RAPGEF6: variants seen among roughly 807,000 people sequenced by gnomAD.
RAPGEF6 encodes the protein PDZ domain containing guanine nucleotide exchange factor (GEF) 2.
A neutral mutation model predicts 171.4 loss-of-function variants in RAPGEF6; 56 were observed. That is an observed-to-expected ratio of 0.33 (90% CI 0.26 to 0.41). RAPGEF6 has a LOEUF of 0.41. Among genes scored for constraint, RAPGEF6 ranks in the 10% least tolerant of loss-of-function variants. RAPGEF6 has a pLI of 1.00. For synonymous variants in RAPGEF6, 692 were observed against 650.1 expected (o/e 1.06, Z -0.98); for missense variants, 1,674 against 1,921.4 (o/e 0.87, Z 2.41).
At chr5:131,544,839 T>C (rs1203748665) in intron 6 of RAPGEF6, among the ~76,000 whole-genome samples, 1 of 152,072 alleles carries the variant, frequency 6.6e-6, no homozygotes, top group Non-Finnish European at 1.5e-5. Flanking sequence ...AGCGCCACCA[T>C]GTCTGGCTAA....
At chr5:131,627,737 T>C (rs749108290) in intron 1 of RAPGEF6, among the ~76,000 whole-genome samples, 7 of 152,158 alleles carry the variant, frequency 4.6e-5, no homozygotes, top group Admixed American at 2.0e-4. Flanking sequence ...TTTTTTTAAA[T>C]ACAAATTGAA....
chr5:131,432,516 GC>G (rs1252382481), intron 25 of RAPGEF6, among the ~76,000 whole-genome samples: 5 of 152,156 alleles, frequency 3.3e-5, no homozygotes, highest in African/African-American at 1.2e-4. Flanking sequence ...TACTCGGGAG[GC>G]TGAGGCAGGA....
chr5:131,596,828 A>T (rs1350727377), intron 3 of RAPGEF6, among the ~76,000 whole-genome samples: 1 of 152,244 alleles, frequency 6.6e-6, no homozygotes. Flanking sequence ...ACACTGTGCT[A>T]GGCAAGGATT....
intron 4 of RAPGEF6, among the ~76,000 whole-genome samples, chr5:131,581,337 A>G (rs1487098697): frequency 6.6e-6 from 1 of 152,084 alleles, no homozygotes; most frequent in Non-Finnish European, 1.5e-5. Context: ...CCACCTGGCT[A>G]CTCTCTAACT....
intron 24 of RAPGEF6, among the ~76,000 whole-genome samples, chr5:131,436,823 A>G (rs1305813997): frequency 6.6e-6 from 1 of 152,198 alleles, no homozygotes; most frequent in African/African-American, 2.4e-5. Context: ...CAATAGGTAT[A>G]TTTATAACGT....
chr5:131,579,349 G>C (rs1486354954), intron 4 of RAPGEF6, among the ~76,000 whole-genome samples: 1 of 152,220 alleles, frequency 6.6e-6, no homozygotes, highest in East Asian at 1.9e-4. Context: ...AGTGTGGAAG[G>C]GGACAGGAGC....
chr5:131,454,893 A>C (rs970618627), intron 20 of RAPGEF6, among the ~76,000 whole-genome samples: 8 of 152,256 alleles, frequency 5.3e-5, no homozygotes, highest in Admixed American at 4.6e-4. Context: ...CTGTAAGCTA[A>C]CTTCTCAACA....
rs114873513 is a variant in RAPGEF6, at chr5:131,552,205, C to T, written c.352-4015G>A. Reference sequence around the variant, plus strand: ...AAAGCTCATCCCAAACAGCTACACCCTCATTACAAGGGTAAGCAAGATACA... The same window carrying T: ...AAAGCTCATCCCAAACAGCTACACCTTCATTACAAGGGTAAGCAAGATACA... On this transcript the variant is annotated intron_variant, in intron 5 of 27. Transcript: ENST00000509018. Among the ~76,000 whole-genome samples the T allele has an allele frequency of 7.1e-3, 1,085 of 151,824 alleles. 7 individuals are homozygous for T. The highest frequency in any genetic ancestry group is 0.024 in the African/African-American group (1,004 of 41,380).
At chr5:131,525,346 A>C (rs1263605868) in intron 6 of RAPGEF6, among the ~76,000 whole-genome samples, 1 of 152,224 alleles carries the variant, frequency 6.6e-6, no homozygotes, top group East Asian at 1.9e-4. Flanking sequence ...ATAAGGTAGA[A>C]ATACATAACA....
intron 11 of RAPGEF6, among the ~76,000 whole-genome samples, chr5:131,500,088 G>A (rs533862042): frequency 4.6e-5 from 7 of 152,058 alleles, no homozygotes; most frequent in East Asian, 3.9e-4. Flanking sequence ...TAGTAGAGAC[G>A]GGGTTTCACC....
intron 4 of RAPGEF6, among the ~76,000 whole-genome samples, chr5:131,588,152 C>T (rs1416517521): frequency 6.6e-6 from 1 of 152,036 alleles, no homozygotes; most frequent in African/African-American, 2.4e-5. Flanking sequence ...ACTATTTTTG[C>T]TTCCCCTCCC....
At chr5:131,447,735 C>T (rs1022724781) in intron 21 of RAPGEF6, among the ~76,000 whole-genome samples, 1 of 152,134 alleles carries the variant, frequency 6.6e-6, no homozygotes, top group African/African-American at 2.4e-5. Flanking sequence ...AAAATAGACA[C>T]TAAAATCCTA....
intron 1 of RAPGEF6, among the ~76,000 whole-genome samples, chr5:131,605,112 T>C (rs1028803750): frequency 2.6e-5 from 4 of 152,194 alleles, no homozygotes; most frequent in African/African-American, 4.8e-5. Flanking sequence ...AAAGAATTTC[T>C]TTCTAAAGAG....
intron 21 of RAPGEF6, 98 bp from the exon 22 acceptor site, chr5:131,446,801 A>T (rs1458000738): frequency 2.2e-5 from 24 of 1,091,646 alleles, no homozygotes; most frequent in Non-Finnish European, 3.2e-5. Flanking sequence ...ATGCTATTGC[A>T]TGCTGATGTA....
At chr5:131,570,798 T>C (rs1762232306) in intron 4 of RAPGEF6, among the ~76,000 whole-genome samples, 1 of 151,952 alleles carries the variant, frequency 6.6e-6, no homozygotes, top group Non-Finnish European at 1.5e-5. Flanking sequence ...CAAACAGTGG[T>C]TGTCTGATGA....
chr5:131,571,270 A>C (rs1306691177), intron 4 of RAPGEF6, among the ~76,000 whole-genome samples: 2 of 152,080 alleles, frequency 1.3e-5, no homozygotes. Context: ...ATAGATTGAC[A>C]ACAAGGATGT....
intron 6 of RAPGEF6, among the ~76,000 whole-genome samples, chr5:131,546,757 A>G (rs1313180998): frequency 6.6e-6 from 1 of 152,232 alleles, no homozygotes; most frequent in Non-Finnish European, 1.5e-5. Context: ...AAAGATGTTT[A>G]GTTTATATAT....
intron 7 of RAPGEF6, among the ~76,000 whole-genome samples, chr5:131,512,257 G>C (rs1462842632): frequency 6.6e-6 from 1 of 152,118 alleles, no homozygotes; most frequent in African/African-American, 2.4e-5. Flanking sequence ...CAAAAGACCA[G>C]AAACAGGCAG....
intron 5 of RAPGEF6, among the ~76,000 whole-genome samples, chr5:131,552,312 G>A (rs1308025148): frequency 6.6e-6 from 1 of 151,960 alleles, no homozygotes; most frequent in African/African-American, 2.4e-5. Context: ...GCCTTCCCCT[G>A]AGAATTCAAA....
Sources: allele counts gnomAD v4.1 joint callset (sites outside exome capture counted in the v4.1 genomes callset), GRCh38; gene constraint gnomAD v4.1.1; transcripts MANE v1.5; gene names NCBI Gene and HGNC (gene_info 2026-07-23, HGNC 2026-07-21).